Variants in SPIRE1 observed in about 807,000 individuals in gnomAD.
SPIRE1 encodes the protein protein spire homolog 1.
A neutral mutation model predicts 94.1 loss-of-function variants in SPIRE1; 40 were observed. The ratio of observed to expected loss-of-function variants is 0.43; its 90% CI spans 0.33 to 0.55. The LOEUF (loss-of-function observed/expected upper bound fraction) is 0.55. SPIRE1 is among the 20% of genes least tolerant of loss of function. SPIRE1 has a pLI of 0.06. For synonymous variants in SPIRE1, 376 were observed against 371.7 expected (o/e 1.01, Z -0.13); for missense variants, 838 against 975.2 (o/e 0.86, Z 1.87).
At chr18:12,471,947 G>C (rs2032377943) in intron 10 of SPIRE1, among the ~76,000 whole-genome samples, 1 of 151,912 alleles carries the variant, frequency 6.6e-6, no homozygotes, top group East Asian at 1.9e-4. Context: ...ACCACACCGG[G>C]CTAATTTTTC....
intron 6 of SPIRE1, among the ~76,000 whole-genome samples, chr18:12,503,976 T>C (rs1270218418): frequency 6.8e-6 from 1 of 147,210 alleles, no homozygotes. Flanking sequence ...CTAGGGAATA[T>C]GTACATAGCA....
intron 2 of SPIRE1, among the ~76,000 whole-genome samples, chr18:12,558,242 G>T (rs899163987): frequency 4.6e-5 from 7 of 152,192 alleles, no homozygotes; most frequent in Non-Finnish European, 8.8e-5. Context: ...ACTGGCTTCA[G>T]GAGTGAAGCT....
At chr18:12,576,826 T>C (rs2036114364) in intron 2 of SPIRE1, among the ~76,000 whole-genome samples, 1 of 149,288 alleles carries the variant, frequency 6.7e-6, no homozygotes, top group South Asian at 2.1e-4. Flanking sequence ...GAGGTGAAGG[T>C]TGCAGTGAGC....
At chr18:12,578,198 A>G (rs2036162331) in intron 2 of SPIRE1, among the ~76,000 whole-genome samples, 1 of 152,214 alleles carries the variant, frequency 6.6e-6, no homozygotes, top group Admixed American at 6.5e-5. Context: ...TTACATTCCT[A>G]TTTACCCAAG....
At chr18:12,604,228 G>T (rs143794818) in intron 2 of SPIRE1, among the ~76,000 whole-genome samples, 80 of 152,258 alleles carry the variant, frequency 5.3e-4, no homozygotes, top group African/African-American at 1.9e-3. Context: ...TATTACTTGC[G>T]ATTGGTGCTC....
chr18:12,598,630 G>A (rs1478853364), intron 2 of SPIRE1, among the ~76,000 whole-genome samples: 1 of 152,090 alleles, frequency 6.6e-6, no homozygotes, highest in Non-Finnish European at 1.5e-5. Flanking sequence ...AAAAGTCTCA[G>A]GAATTAAAAT....
intron 2 of SPIRE1, among the ~76,000 whole-genome samples, chr18:12,581,639 G>T (rs563982477): frequency 6.6e-6 from 1 of 152,160 alleles, no homozygotes; most frequent in Non-Finnish European, 1.5e-5. Context: ...CAAGGCGGGC[G>T]GATGACCTGA....
At chr18:12,463,183 C>A (rs1431564216) in intron 12 of SPIRE1, among the ~76,000 whole-genome samples, 168 bp downstream of exon 12, 1 of 152,164 alleles carries the variant, frequency 6.6e-6, no homozygotes, top group Non-Finnish European at 1.5e-5. Flanking sequence ...ATTATAGGCA[C>A]GAGCCACCAC....
intron 1 of SPIRE1, 116 bp from the exon 2 acceptor site, chr18:12,635,212 C>A: frequency 1.8e-6 from 1 of 567,028 alleles, no homozygotes; most frequent in Non-Finnish European, 3.1e-6. Context: ...AATATCTATG[C>A]AAATGAAAGA....
intron 2 of SPIRE1, among the ~76,000 whole-genome samples, chr18:12,625,725 A>G (rs1317055656): frequency 6.6e-6 from 1 of 152,206 alleles, no homozygotes; most frequent in East Asian, 1.9e-4. Context: ...TTTGAAATTA[A>G]GGGCTACCCA....
chr18:12,588,268 A>C (rs1294513132), intron 2 of SPIRE1: 1 of 152,502 alleles, frequency 6.6e-6, no homozygotes, highest in African/African-American at 2.4e-5. Context: ...TTTTTTTTTA[A>C]AAGTAGATTA....
Position 12,452,383 on chromosome 18 carries a change from C to T in SPIRE1, c.1884G>A (p.Leu628=). ...GAAGAGTGGAGTATGGTTTGGAGGG[C>T]AGCCGCATCTATTATCCCAAATAAA... ...VCSQCCKKMR[L]PSKPYSTLPI... Residue 628 remains leucine, a synonymous_variant, in exon 16 of 17, where the codon CTG becomes CTA. Coordinates refer to ENST00000409402, the MANE Select transcript of SPIRE1 (RefSeq NM_001128626.2). The T allele has an allele frequency of 1.9e-6, 3 of 1,614,146 alleles. No homozygotes were observed. Among genetic ancestry groups the T allele is most frequent in the Non-Finnish European group, 1.7e-6 (2 of 1,180,028 alleles).
At chr18:12,475,779 C>A (rs924039351) in intron 10 of SPIRE1, among the ~76,000 whole-genome samples, 1 of 152,168 alleles carries the variant, frequency 6.6e-6, no homozygotes, top group African/African-American at 2.4e-5. Context: ...CGTTTTGGAA[C>A]TGGAAGAGAC....
chr18:12,618,161 G>A (rs2037364662), intron 2 of SPIRE1, among the ~76,000 whole-genome samples: 1 of 151,974 alleles, frequency 6.6e-6, no homozygotes, highest in Non-Finnish European at 1.5e-5. Flanking sequence ...GAGTGCAGTG[G>A]TGCGATCTCG....
At chr18:12,488,572 T>A (rs2033119571) in intron 8 of SPIRE1, among the ~76,000 whole-genome samples, 1 of 152,122 alleles carries the variant, frequency 6.6e-6, no homozygotes, top group African/African-American at 2.4e-5. Context: ...AGGAATAATT[T>A]TTATTTACAA....
rs1266680097 is a variant in SPIRE1 at position 12,464,570 on chromosome 18, C to A, written c.1495+298G>T. ...TGTTGGGCTTCTGGTTTAAATTTAG[C>A]CAAGGAGGTAATCTATCTAAAACAA... On this transcript the variant is annotated intron_variant, in intron 11 of 16. Coordinates refer to ENST00000409402, the MANE Select transcript of SPIRE1 (RefSeq NM_001128626.2). Among the ~76,000 whole-genome samples, 3 of 152,026 alleles carry A rather than the reference C, an allele frequency of 2.0e-5. No individual in the cohort carries two copies. In the East Asian group the frequency reaches 5.8e-4, roughly 29 times the overall value.
chr18:12,516,870 A>C (rs986685106), intron 4 of SPIRE1, among the ~76,000 whole-genome samples: 2 of 152,196 alleles, frequency 1.3e-5, no homozygotes, highest in Admixed American at 6.5e-5. Flanking sequence ...AGGCCTGCCT[A>C]CATCTCTACC....
chr18:12,517,517 T>A (rs116174163), intron 4 of SPIRE1, among the ~76,000 whole-genome samples: 3,876 of 152,324 alleles, frequency 0.025, 170 homozygotes, highest in African/African-American at 0.088. Flanking sequence ...TCAATTATAC[T>A]TTAGCTTCTG....
chr18:12,482,424 T>C (rs1287226419), intron 9 of SPIRE1, among the ~76,000 whole-genome samples: 2 of 152,102 alleles, frequency 1.3e-5, no homozygotes, highest in African/African-American at 4.8e-5. Context: ...ATTACAGGCA[T>C]GAGACACCGC....
Sources: gnomAD v4.1 joint callset for allele counts (sites outside exome capture counted in the v4.1 genomes callset) on GRCh38, gnomAD v4.1.1 for gene constraint, MANE v1.5 for transcripts, NCBI Gene and HGNC (gene_info 2026-07-23, HGNC 2026-07-21) for gene names.